Variants in XIRP2 observed in about 807,000 individuals in gnomAD.
XIRP2 encodes the protein xin actin-binding repeat-containing protein 2.
In XIRP2, 236 loss-of-function variants were observed where a neutral mutation model predicts 277.0. That is an observed-to-expected ratio of 0.85 (90% confidence interval 0.77 to 0.95). The LOEUF (loss-of-function observed/expected upper bound fraction) is 0.95, where lower values mean the gene tolerates loss of function less well. Among genes scored for constraint, XIRP2 ranks in the 40% least tolerant of loss-of-function variants. The pLI is 0.00. For synonymous variants in XIRP2, 1,490 were observed against 1,416.5 expected, an observed-to-expected ratio of 1.05 and a Z score of -1.17; for missense variants, 4,640 against 4,157.5, an observed-to-expected ratio of 1.12 and a Z score of -3.19.
chr2:167,249,560 A>G lies in XIRP2; in HGVS notation c.8168A>G (p.Asn2723Ser), dbSNP rs1301269627. 1 of 1,613,746 alleles carries G rather than the reference A, an allele frequency of 6.2e-7. No individual in the cohort carries two copies. The highest frequency in any genetic ancestry group is 8.5e-7 in the Non-Finnish European group (1 of 1,179,802). Residue 2723 changes from asparagine to serine, a missense_variant, in exon 9 of 11, where the codon AAT becomes AGT. Asn to Ser is a conservative substitution (Grantham distance 46, BLOSUM62 1). Transcript: ENST00000409195. ...IKLPTLDHTL[N>S]ETDHSYESHK... ...CTTCCAACTCTAGATCATACATTAA[A>G]TGAAACAGACCACAGCTATGAAAGT... is the stretch of plus-strand genomic sequence containing the variant.
intron 3 of XIRP2, among the ~76,000 whole-genome samples, chr2:167,171,649 G>T (rs966205717): frequency 6.6e-6 from 1 of 152,176 alleles, no homozygotes; most frequent in African/African-American, 2.4e-5. Context: ...AGTATGGAAA[G>T]AGATGTTAAA....
At chr2:167,157,066 G>A (rs984344927) in intron 3 of XIRP2, among the ~76,000 whole-genome samples, 1 of 151,926 alleles carries the variant, frequency 6.6e-6, no homozygotes, top group Non-Finnish European at 1.5e-5. Context: ...ATGTTGCTTA[G>A]AAATATTTAC....
At chr2:167,018,054 C>T (rs1390399668) in intron 2 of XIRP2, among the ~76,000 whole-genome samples, 1 of 152,064 alleles carries the variant, frequency 6.6e-6, no homozygotes, top group African/African-American at 2.4e-5. Context: ...ACCTCTGGCT[C>T]TAATACCTAG....
At chr2:167,019,783 C>T (rs1175319102) in intron 2 of XIRP2, among the ~76,000 whole-genome samples, 2 of 151,992 alleles carry the variant, frequency 1.3e-5, no homozygotes, top group African/African-American at 2.4e-5. Context: ...AAAAGAGATA[C>T]ACTCTTCGAG....
intron 2 of XIRP2, among the ~76,000 whole-genome samples, chr2:166,970,364 A>G (rs1221961361): frequency 2.6e-5 from 4 of 151,914 alleles, no homozygotes; most frequent in African/African-American, 9.7e-5. Context: ...ATTGTGAAGT[A>G]TTTCTTAAAT....
At chr2:167,056,195 G>A (rs1363340219) in intron 2 of XIRP2, among the ~76,000 whole-genome samples, 3 of 152,126 alleles carry the variant, frequency 2.0e-5, no homozygotes, top group Admixed American at 6.5e-5. Flanking sequence ...AATGAGGACA[G>A]CATTTATTTC....
chr2:167,217,879 A>C (rs1045422412), intron 4 of XIRP2, among the ~76,000 whole-genome samples: 4 of 152,298 alleles, frequency 2.6e-5, no homozygotes, highest in African/African-American at 9.6e-5. Flanking sequence ...CGTGCAATCT[A>C]ATAGGTCTTA....
At chr2:167,008,191 T>C (rs1175233438) in intron 2 of XIRP2, among the ~76,000 whole-genome samples, 1 of 151,676 alleles carries the variant, frequency 6.6e-6, no homozygotes, top group Non-Finnish European at 1.5e-5. Flanking sequence ...ATATCTTTTA[T>C]TTATAGACCC....
intron 3 of XIRP2, among the ~76,000 whole-genome samples, chr2:167,189,982 A>G (rs1365923430): frequency 6.6e-6 from 1 of 152,182 alleles, no homozygotes; most frequent in African/African-American, 2.4e-5. Context: ...GATTGGCTAG[A>G]ATGGCTCACA....
At chr2:166,923,930 G>A (rs1046372672) in intron 2 of XIRP2, among the ~76,000 whole-genome samples, 7 of 152,026 alleles carry the variant, frequency 4.6e-5, no homozygotes, top group African/African-American at 1.7e-4. Flanking sequence ...AGGAGGTGAG[G>A]TTGGAATACT....
chr2:167,121,158 T>C (rs1337966085), intron 2 of XIRP2, among the ~76,000 whole-genome samples: 2 of 152,216 alleles, frequency 1.3e-5, no homozygotes, highest in East Asian at 3.8e-4. Flanking sequence ...ACCTTGTCAT[T>C]GCAACTCAAC....
chr2:167,221,487 G>GAAAAAAAAAAAAAAAAAAAAAAAA (rs1694429409), intron 5 of XIRP2, among the ~76,000 whole-genome samples: 1 of 144,032 alleles, frequency 6.9e-6, no homozygotes, highest in African/African-American at 2.6e-5. Flanking sequence ...AAAAAAAAAG[G>GAAAAAAAAAAAAAAAAAAAAAAAA]AAAAAGTCAT....
intron 2 of XIRP2, among the ~76,000 whole-genome samples, chr2:166,906,597 G>A (rs967972754): frequency 2.0e-5 from 3 of 152,006 alleles, no homozygotes; most frequent in African/African-American, 7.2e-5. Context: ...TAATGTGTCT[G>A]TTTAAGGAGA....
chr2:167,209,657 A>T (rs7597463), intron 3 of XIRP2, among the ~76,000 whole-genome samples: 58,143 of 151,622 alleles, frequency 0.38, 14,890 homozygotes, highest in African/African-American at 0.74. Context: ...CATACCTATA[A>T]CATGCCCTTG....
intron 3 of XIRP2, among the ~76,000 whole-genome samples, chr2:167,172,676 G>T (rs1458635842): frequency 6.6e-6 from 1 of 152,150 alleles, no homozygotes; most frequent in Non-Finnish European, 1.5e-5. Flanking sequence ...GTTCCACCCA[G>T]CTCTCAGGCA....
chr2:166,939,459 T>A (rs1685625748), intron 2 of XIRP2, among the ~76,000 whole-genome samples: 1 of 151,680 alleles, frequency 6.6e-6, no homozygotes, highest in South Asian at 2.1e-4. Context: ...GGCGGGCGGA[T>A]CACAAGGTCA....
Position 167,251,587 on chromosome 2 carries a change from G to T in XIRP2, c.10195G>T (p.Glu3399Ter), listed in dbSNP as rs761769660. The T allele has an allele frequency of 5.6e-6, 9 of 1,613,550 alleles. No homozygotes were observed. The Admixed American group carries it at 1.3e-4, about 24-fold the overall frequency. Reference protein sequence around the residue: ...FSCKHPRELREKIPVKQPRIC... With the variant: ...FSCKHPRELR ...TTGCAAACATCCTAGAGAACTGCGA[G>T]AAAAGATTCCTGTTAAGCAGCCCAG... Residue 3399 changes from glutamate to a stop codon, truncating the protein, a stop_gained, in exon 9 of 11, where the codon GAA becomes TAA. Transcript: ENST00000409195. LOFTEE classifies it high-confidence loss of function.
At position 167,083,107 on chromosome 2, in the gene XIRP2, G is replaced by C. The variant is rs530328825; in HGVS notation, c.409-52802G>C. On this transcript the variant is annotated intron_variant, in intron 2 of 10. Transcript: ENST00000409195. Reference sequence around the variant, plus strand: ...AACATTTAAGTCTTTAATCCATCTTGAATTGATTTTGTATAAGGTGTAAGG... The same window carrying C: ...AACATTTAAGTCTTTAATCCATCTTCAATTGATTTTGTATAAGGTGTAAGG... 4.6e-5 allele frequency among the ~76,000 whole-genome samples: 7 copies of C among 152,270 alleles called. No individual in the cohort carries two copies. The East Asian group carries it at 1.2e-3, about 25-fold the overall frequency.
chr2:167,029,514 A>G (rs1688269109), intron 2 of XIRP2, among the ~76,000 whole-genome samples: 1 of 152,020 alleles, frequency 6.6e-6, no homozygotes, highest in Admixed American at 6.6e-5. Flanking sequence ...ACGTTTATAG[A>G]TTTTCATATG....
Sources: gnomAD v4.1 joint callset for allele counts (sites outside exome capture counted in the v4.1 genomes callset) on GRCh38, gnomAD v4.1.1 for gene constraint, MANE v1.5 for transcripts, NCBI Gene and HGNC (gene_info 2026-07-23, HGNC 2026-07-21) for gene names.